NELL2: variants seen among roughly 807,000 people sequenced by gnomAD.
NELL2 encodes the protein neural EGFL like 2.
Under a neutral mutation model 109.6 loss-of-function variants are expected in NELL2, and 41 were observed. The ratio of observed to expected loss-of-function variants is 0.37; its 90% CI spans 0.29 to 0.49. NELL2 has a LOEUF of 0.49. Ranked by LOEUF, NELL2 falls within the 20% of genes least tolerant of loss-of-function variation. NELL2 has a pLI of 0.98. For synonymous variants in NELL2, 355 were observed against 344.7 expected, an observed-to-expected ratio of 1.03 and a Z score of -0.33; for missense variants, 900 against 1,008.3, an observed-to-expected ratio of 0.89 and a Z score of 1.45.
chr12:44,716,904 T>C (rs982662844), intron 9 of NELL2, among the ~76,000 whole-genome samples: 4 of 152,050 alleles, frequency 2.6e-5, no homozygotes, highest in Non-Finnish European at 5.9e-5. Flanking sequence ...CAGATGGGCC[T>C]TCTGTTTGAG....
chr12:44,821,354 T>A (rs1943537019), intron 2 of NELL2, among the ~76,000 whole-genome samples: 1 of 152,218 alleles, frequency 6.6e-6, no homozygotes, highest in African/African-American at 2.4e-5. Flanking sequence ...CTCCTGAACA[T>A]GGCATCCTTT....
chr12:44,685,375 C>T (rs1948678718), intron 12 of NELL2, among the ~76,000 whole-genome samples: 3 of 152,160 alleles, frequency 2.0e-5, no homozygotes, highest in Middle Eastern at 3.4e-3. Context: ...TCCAATTTGC[C>T]AGTCTGTGTC....
chr12:44,558,002 A>C (rs1439259576), intron 15 of NELL2, among the ~76,000 whole-genome samples: 1 of 152,246 alleles, frequency 6.6e-6, no homozygotes, highest in Admixed American at 6.5e-5. Context: ...AATTGAAATA[A>C]GCTAAAAAGT....
At chr12:44,902,167 A>C (rs1945668502) in intron 1 of NELL2, among the ~76,000 whole-genome samples, 2 of 152,230 alleles carry the variant, frequency 1.3e-5, no homozygotes, top group African/African-American at 4.8e-5. Context: ...GTCTCAGCCC[A>C]AAAACTCCTT....
intron 9 of NELL2, among the ~76,000 whole-genome samples, chr12:44,737,270 C>T (rs757210426): frequency 1.3e-5 from 2 of 151,844 alleles, no homozygotes; most frequent in Admixed American, 1.3e-4. Flanking sequence ...CTTGGTCATG[C>T]ATAATTGATC....
In NELL2 at chr12:44,630,860, T is replaced by C. The variant is rs1448582940; in HGVS notation, c.1445-19890A>G. The stretch of plus-strand genomic sequence containing the variant: ...AATAAAGATTAGTCTCATTTTCCTG[T>C]GCTCCAGGGTGTAAAATAAGGATAG... On this transcript the variant is annotated intron_variant, in intron 13 of 19. Coordinates refer to ENST00000429094, the MANE Select transcript of NELL2 (RefSeq NM_001145108.2). Among the ~76,000 whole-genome samples the C allele has an allele frequency of 3.3e-5, 5 of 152,162 alleles. No individual in the cohort carries two copies. In the South Asian group the frequency reaches 8.3e-4, roughly 25 times the overall value.
chr12:44,756,578 C>A (rs1466206232), intron 9 of NELL2, among the ~76,000 whole-genome samples: 1 of 152,090 alleles, frequency 6.6e-6, no homozygotes, highest in Non-Finnish European at 1.5e-5. Flanking sequence ...TTAAAAAAGA[C>A]AACCATCTCC....
At chr12:44,761,950 G>T (rs1941144397) in intron 9 of NELL2, among the ~76,000 whole-genome samples, 1 of 151,962 alleles carries the variant, frequency 6.6e-6, no homozygotes, top group Admixed American at 6.6e-5. Context: ...TCAGGTGATG[G>T]GCACACTAAA....
intron 9 of NELL2, among the ~76,000 whole-genome samples, chr12:44,748,178 G>A (rs1940482694): frequency 6.6e-6 from 1 of 152,038 alleles, no homozygotes; most frequent in Non-Finnish European, 1.5e-5. Context: ...AAATTGATGT[G>A]CTCATTTGTC....
chr12:44,893,674 T>A (rs1297787862), intron 1 of NELL2, among the ~76,000 whole-genome samples: 1 of 152,172 alleles, frequency 6.6e-6, no homozygotes, highest in Non-Finnish European at 1.5e-5. Context: ...GTTAGCTGTG[T>A]TCCTGTGCCC....
At chr12:44,594,687 CT>C (rs1486388081) in intron 15 of NELL2, among the ~76,000 whole-genome samples, 1 of 152,150 alleles carries the variant, frequency 6.6e-6, no homozygotes, top group Non-Finnish European at 1.5e-5. Context: ...AGATAAAGAT[CT>C]GGTCTCAGAA....
intron 19 of NELL2, among the ~76,000 whole-genome samples, chr12:44,514,614 T>C (rs904480343): frequency 2.0e-5 from 3 of 151,666 alleles, no homozygotes; most frequent in Admixed American, 2.0e-4. Context: ...AAACATAGTA[T>C]ATATAGTGTT....
chr12:44,547,731 A>C (rs1942857991), intron 15 of NELL2, among the ~76,000 whole-genome samples: 1 of 152,072 alleles, frequency 6.6e-6, no homozygotes, highest in Admixed American at 6.6e-5. Context: ...ATCTCATCTC[A>C]TCTCCCATTG....
intron 15 of NELL2, among the ~76,000 whole-genome samples, chr12:44,594,940 T>C (rs1163443439): frequency 6.6e-6 from 1 of 152,212 alleles, no homozygotes; most frequent in Non-Finnish European, 1.5e-5. Flanking sequence ...TTCTCATCAT[T>C]CACTGAGTAA....
intron 13 of NELL2, among the ~76,000 whole-genome samples, chr12:44,613,730 T>C (rs1003273792): frequency 6.6e-6 from 1 of 152,104 alleles, no homozygotes; most frequent in African/African-American, 2.4e-5. Flanking sequence ...AAAGAAGATT[T>C]GATAATCCTT....
chr12:44,881,602 GAGA>G (rs962648280), intron 1 of NELL2, among the ~76,000 whole-genome samples: 1 of 151,960 alleles, frequency 6.6e-6, no homozygotes, highest in African/African-American at 2.4e-5. Flanking sequence ...GAACAAAAGG[GAGA>G]AGACTTTTTT....
chr12:44,878,760 A>T (rs957556639), upstream of NELL2, among the ~76,000 whole-genome samples: 1 of 152,180 alleles, frequency 6.6e-6, no homozygotes, highest in Non-Finnish European at 1.5e-5. Context: ...TTTAGGTTGT[A>T]GTTGTCTTAT....
At chr12:44,582,441 T>C (rs553417204) in intron 15 of NELL2, among the ~76,000 whole-genome samples, 82 of 152,272 alleles carry the variant, frequency 5.4e-4, no homozygotes, top group African/African-American at 1.9e-3. Flanking sequence ...GTGTTTAGAA[T>C]GATTAACCAA....
In NELL2 at chr12:44,792,588, A is replaced by G. The variant is rs200810660; in HGVS notation, c.336-12566T>C. 6.6e-5 allele frequency among the ~76,000 whole-genome samples: 10 copies of G among 152,330 alleles called. No homozygotes were observed. In the East Asian group the frequency reaches 1.9e-3, roughly 29 times the overall value. ...CATTCTATAAGACAAAATAAAATGC[A>G]TAATACATCAGAGGTTAATATCCAC... is the stretch of plus-strand genomic sequence containing the variant. On this transcript the variant is annotated intron_variant, in intron 3 of 19. Coordinates refer to ENST00000429094, the MANE Select transcript of NELL2 (RefSeq NM_001145108.2).
Sources: allele counts gnomAD v4.1 joint callset (sites outside exome capture counted in the v4.1 genomes callset), GRCh38; gene constraint gnomAD v4.1.1; transcripts MANE v1.5; gene names NCBI Gene and HGNC (gene_info 2026-07-23, HGNC 2026-07-21).